The following ADGRL2 variants were observed in gnomAD, a reference collection of about 807,000 sequenced individuals.
ADGRL2 encodes calcium-independent alpha-latrotoxin receptor 2.
Under a neutral mutation model 157.4 loss-of-function variants are expected in ADGRL2, and 44 were observed. The observed-to-expected ratio is 0.28, with a 90% CI of 0.22 to 0.36. ADGRL2 has a LOEUF of 0.36. Among genes scored for constraint, ADGRL2 ranks in the 10% least tolerant of loss-of-function variants. ADGRL2 has a pLI of 1.00. For missense variants in ADGRL2, 1,510 were observed against 1,768.9 expected (o/e 0.85, Z 2.63); for synonymous variants, 585 against 624.7 (o/e 0.94, Z 0.95).
At chr1:81,513,916 TC>T (rs2079125157) in intron 2 of ADGRL2, 1 of 152,062 alleles carries the variant, frequency 6.6e-6, no homozygotes, top group South Asian at 2.1e-4. Flanking sequence ...AGCTTATTTA[TC>T]CCCCCTTCCT....
intron 3 of ADGRL2, among the ~76,000 whole-genome samples, chr1:81,617,642 C>T (rs1557510207): frequency 6.6e-6 from 1 of 152,242 alleles, no homozygotes; most frequent in Admixed American, 6.5e-5. Flanking sequence ...GGACACACTA[C>T]TTGCACACAG....
chr1:81,503,363 G>A (rs1317185994), intron 2 of ADGRL2: 16 of 1,613,992 alleles, frequency 9.9e-6, no homozygotes, highest in Non-Finnish European at 1.4e-5. Context: ...GCTCCCCAGA[G>A]CCTCGGCAGC....
At chr1:81,824,266 G>T (rs919647509) in intron 1 of ADGRL2, among the ~76,000 whole-genome samples, 63 of 152,082 alleles carry the variant, frequency 4.1e-4, no homozygotes, top group Non-Finnish European at 2.1e-4. Flanking sequence ...TTCAATAAAA[G>T]ACATTTTATT....
chr1:81,439,676 G>A (rs142662665), intron 1 of ADGRL2, among the ~76,000 whole-genome samples: 24 of 152,324 alleles, frequency 1.6e-4, no homozygotes, highest in African/African-American at 5.1e-4. Context: ...CCACAACTCC[G>A]AAGCCCCAGA....
intron 2 of ADGRL2, among the ~76,000 whole-genome samples, chr1:81,552,704 T>A (rs1048531920): frequency 6.6e-6 from 1 of 151,860 alleles, no homozygotes; most frequent in African/African-American, 2.4e-5. Flanking sequence ...ATGAAAGGGT[T>A]TAAGCTGTTA....
intron 3 of ADGRL2, among the ~76,000 whole-genome samples, chr1:81,656,481 A>G (rs367602348): frequency 2.0e-5 from 3 of 152,276 alleles, no homozygotes; most frequent in East Asian, 3.9e-4. Context: ...GAAGTTATTT[A>G]ATCTTCCTGA....
At chr1:81,976,387 T>A (rs931201334) in intron 17 of ADGRL2, among the ~76,000 whole-genome samples, 1 of 151,968 alleles carries the variant, frequency 6.6e-6, no homozygotes, top group Non-Finnish European at 1.5e-5. Flanking sequence ...TAAGTTAGTG[T>A]TGGGTTTAAC....
chr1:81,675,855 C>G (rs773033879), intron 3 of ADGRL2, among the ~76,000 whole-genome samples: 1 of 152,158 alleles, frequency 6.6e-6, no homozygotes, highest in African/African-American at 2.4e-5. Context: ...GCTGGGATTA[C>G]AGGCATGAGC....
intron 2 of ADGRL2, among the ~76,000 whole-genome samples, chr1:81,482,434 C>A (rs1240003216): frequency 6.6e-6 from 1 of 151,340 alleles, no homozygotes; most frequent in Non-Finnish European, 1.5e-5. Flanking sequence ...CCTAAACCCA[C>A]ACATATAATT....
chr1:81,852,434 GA>G (rs888262700), intron 2 of ADGRL2, among the ~76,000 whole-genome samples: 11 of 151,956 alleles, frequency 7.2e-5, no homozygotes, highest in African/African-American at 2.4e-4. Flanking sequence ...ATGTATGTGG[GA>G]AAAAAATTTT....
intron 7 of ADGRL2, 106 bp downstream of exon 7, chr1:81,950,588 C>T (rs1194747528): frequency 9.1e-7 from 1 of 1,099,090 alleles, no homozygotes; most frequent in Non-Finnish European, 1.3e-6. Flanking sequence ...CAGTAGCTAA[C>T]TTTATTTTTG....
chr1:81,754,259 A>G (rs1009014342), intron 1 of ADGRL2, among the ~76,000 whole-genome samples: 2 of 127,830 alleles, frequency 1.6e-5, no homozygotes, highest in Non-Finnish European at 3.1e-5. Context: ...AACACAGTGT[A>G]GTAGGTTCAA....
chr1:81,409,278 T>C (rs547873539), intron 1 of ADGRL2, among the ~76,000 whole-genome samples: 1 of 105,012 alleles, frequency 9.5e-6, no homozygotes, highest in Non-Finnish European at 1.9e-5. Context: ...CTCCTACCTC[T>C]GGAAGGAACA....
At chr1:81,616,674 C>CTTTTCTTT in intron 3 of ADGRL2, among the ~76,000 whole-genome samples, 1 of 51,888 alleles carries the variant, frequency 1.9e-5, no homozygotes, top group Admixed American at 2.1e-4. Context: ...CTTTTCTTTT[C>CTTTTCTTT]TTTTCTTTTT....
intron 2 of ADGRL2, among the ~76,000 whole-genome samples, chr1:81,487,061 C>G (rs1238644696): frequency 7.0e-6 from 1 of 142,756 alleles, no homozygotes; most frequent in East Asian, 2.1e-4. Flanking sequence ...TGGAGACCAG[C>G]CTGGGCAACA....
chr1:81,452,379 A>T (rs1361733738), intron 2 of ADGRL2, among the ~76,000 whole-genome samples: 1 of 152,168 alleles, frequency 6.6e-6, no homozygotes, highest in African/African-American at 2.4e-5. Flanking sequence ...TGTGACTCTC[A>T]TGGGAGAAAC....
At chr1:81,960,338 C>T (rs1486764603) in intron 11 of ADGRL2, among the ~76,000 whole-genome samples, 1 of 152,140 alleles carries the variant, frequency 6.6e-6, no homozygotes, top group Non-Finnish European at 1.5e-5. Context: ...TTAACAAGAA[C>T]TTTCTGTTGC....
At chr1:81,627,885 G>A (rs1296510449) in intron 3 of ADGRL2, among the ~76,000 whole-genome samples, 1 of 152,184 alleles carries the variant, frequency 6.6e-6, no homozygotes, top group African/African-American at 2.4e-5. Context: ...GCCCACTGCT[G>A]TGCTTAGATC....
chr1:81,605,000 G>T (rs1000255527), intron 3 of ADGRL2, among the ~76,000 whole-genome samples: 1 of 152,030 alleles, frequency 6.6e-6, no homozygotes, highest in East Asian at 1.9e-4. Context: ...TTCAGCTTCC[G>T]AGACTGGAAA....
Sources: gnomAD v4.1 joint callset for allele counts (sites outside exome capture counted in the v4.1 genomes callset) on GRCh38, gnomAD v4.1.1 for gene constraint, MANE v1.5 for transcripts, NCBI Gene and HGNC (gene_info 2026-07-23, HGNC 2026-07-21) for gene names.